CNTNAP2: variants seen among roughly 807,000 people sequenced by gnomAD.
CNTNAP2 encodes the protein contactin-associated protein-like 2.
CNTNAP2 carries 98 observed loss-of-function variants against 155.2 expected under a neutral mutation model. That is an observed-to-expected ratio of 0.63 (90% CI 0.54 to 0.75). The LOEUF is 0.75. Ranked by LOEUF, CNTNAP2 falls within the 30% of genes least tolerant of loss-of-function variation. The probability of loss-of-function intolerance (pLI) is 0.00; values close to 1 mark genes in which losing one functional copy is unlikely to be tolerated. For missense variants in CNTNAP2, 1,727 were observed against 1,688.1 expected (o/e 1.02, Z -0.40); for synonymous variants, 651 against 631.2 (o/e 1.03, Z -0.47).
intron 1 of CNTNAP2, among the ~76,000 whole-genome samples, chr7:146,565,758 A>T (rs1466422115): frequency 1.3e-5 from 2 of 152,256 alleles, no homozygotes; most frequent in Non-Finnish European, 2.9e-5. Flanking sequence ...TATTTAGAAT[A>T]AACGATGTGA....
intron 1 of CNTNAP2, among the ~76,000 whole-genome samples, chr7:146,483,052 G>T (rs1416605371): frequency 6.6e-6 from 1 of 150,994 alleles, no homozygotes; most frequent in Non-Finnish European, 1.5e-5. Flanking sequence ...CGAGGCAGGC[G>T]GATCATGAGG....
intron 14 of CNTNAP2, among the ~76,000 whole-genome samples, chr7:147,931,806 C>T (rs1261242335): frequency 1.3e-5 from 2 of 152,170 alleles, no homozygotes; most frequent in Non-Finnish European, 2.9e-5. Flanking sequence ...AATGTCCATA[C>T]TACCCAAAGG....
At chr7:147,562,689 T>C (rs994664686) in intron 12 of CNTNAP2, among the ~76,000 whole-genome samples, 2 of 152,220 alleles carry the variant, frequency 1.3e-5, no homozygotes, top group African/African-American at 4.8e-5. Flanking sequence ...TTCTAAGTCC[T>C]GAAATCCCAT....
intron 8 of CNTNAP2, among the ~76,000 whole-genome samples, chr7:147,251,437 G>T (rs1007758669): frequency 2.7e-5 from 4 of 150,242 alleles, no homozygotes; most frequent in African/African-American, 7.3e-5. Flanking sequence ...AAAACAGATA[G>T]GTAGGTAGGT....
At chr7:147,758,412 A>T (rs879688571) in intron 13 of CNTNAP2, among the ~76,000 whole-genome samples, 46 of 152,136 alleles carry the variant, frequency 3.0e-4, no homozygotes, top group African/African-American at 1.1e-3. Flanking sequence ...CTCTCCCCTA[A>T]GCTCTGGTTT....
chr7:147,584,523 C>G (rs1406698394), intron 12 of CNTNAP2, among the ~76,000 whole-genome samples: 2 of 152,114 alleles, frequency 1.3e-5, no homozygotes, highest in African/African-American at 4.8e-5. Context: ...AAAATTAAAG[C>G]TGTTGATTCA....
chr7:146,699,114 C>A (rs528034118), intron 1 of CNTNAP2, among the ~76,000 whole-genome samples: 1 of 152,100 alleles, frequency 6.6e-6, no homozygotes, highest in Admixed American at 6.6e-5. Context: ...TCTGCTGTAT[C>A]TAAGTAGGTT....
At chr7:147,317,453 T>G (rs1175972908) in intron 9 of CNTNAP2, among the ~76,000 whole-genome samples, 2 of 152,222 alleles carry the variant, frequency 1.3e-5, no homozygotes, top group Non-Finnish European at 2.9e-5. Flanking sequence ...GCCTTCTGCT[T>G]CTGTGCACCA....
chr7:146,380,171 T>G (rs577108754), intron 1 of CNTNAP2, among the ~76,000 whole-genome samples: 1 of 152,316 alleles, frequency 6.6e-6, no homozygotes, highest in African/African-American at 2.4e-5. Context: ...CTCATAATGA[T>G]TTTGCATTTT....
chr7:147,637,245 G>A (rs1265583478), intron 12 of CNTNAP2, among the ~76,000 whole-genome samples: 1 of 152,082 alleles, frequency 6.6e-6, no homozygotes, highest in Admixed American at 6.6e-5. Context: ...AGGAGGCAAG[G>A]GTGGAAAGCA....
intron 15 of CNTNAP2, among the ~76,000 whole-genome samples, chr7:148,074,045 A>G (rs1194250384): frequency 6.6e-6 from 1 of 152,166 alleles, no homozygotes; most frequent in Non-Finnish European, 1.5e-5. Context: ...TCAGACATTC[A>G]CTGGGGCTCT....
chr7:146,249,572 C>T (rs980118344), intron 1 of CNTNAP2, among the ~76,000 whole-genome samples: 1 of 152,184 alleles, frequency 6.6e-6, no homozygotes, highest in African/African-American at 2.4e-5. Flanking sequence ...CCACTTTCAG[C>T]ACAAATATCA....
intron 11 of CNTNAP2, among the ~76,000 whole-genome samples, chr7:147,502,198 T>G (rs764011221): frequency 6.6e-6 from 1 of 152,122 alleles, no homozygotes; most frequent in African/African-American, 2.4e-5. Context: ...TCCAATCAGA[T>G]GTTTTATAGA....
rs778395783 is a variant in CNTNAP2 at position 148,409,458 on chromosome 7, G to T, written c.3783G>T (p.Ser1261=). Residue 1261 remains serine, a synonymous_variant, in exon 23 of 24, where the codon TCG becomes TCT. Transcript: ENST00000361727. ...TAAGAAATGGAGTCAACAGAAACTC[G>T]GCTATCATTGGAGGTAGGTGATGTC... The part of the protein sequence containing the change: ...QAIRNGVNRN[S]AIIGGVIAVV... The T allele has an allele frequency of 6.2e-6, 10 of 1,613,648 alleles. No homozygotes were observed. Among genetic ancestry groups the T allele is most frequent in the Non-Finnish European group, 8.5e-6 (10 of 1,179,774 alleles).
intron 13 of CNTNAP2, among the ~76,000 whole-genome samples, chr7:147,776,263 G>C (rs931328355): frequency 7.0e-6 from 1 of 143,180 alleles, no homozygotes; most frequent in Non-Finnish European, 1.5e-5. Context: ...TGCAATGGCT[G>C]GGTTTTTTTT....
At chr7:146,385,398 A>G (rs1795446228) in intron 1 of CNTNAP2, among the ~76,000 whole-genome samples, 2 of 152,092 alleles carry the variant, frequency 1.3e-5, no homozygotes, top group African/African-American at 4.8e-5. Flanking sequence ...CTGAAAAAAC[A>G]AAACAAAACA....
chr7:146,353,771 G>C (rs1185864177), intron 1 of CNTNAP2, among the ~76,000 whole-genome samples: 2 of 151,900 alleles, frequency 1.3e-5, no homozygotes, highest in African/African-American at 4.8e-5. Context: ...TAGATTACTA[G>C]GGCCTATTAA....
chr7:146,465,734 C>G (rs1440800809), intron 1 of CNTNAP2, among the ~76,000 whole-genome samples: 2 of 152,042 alleles, frequency 1.3e-5, no homozygotes, highest in Non-Finnish European at 2.9e-5. Flanking sequence ...GAGATTGATA[C>G]GGCAGGATAG....
At chr7:146,484,290 C>G (rs192084502) in intron 1 of CNTNAP2, among the ~76,000 whole-genome samples, 1 of 152,242 alleles carries the variant, frequency 6.6e-6, no homozygotes, top group East Asian at 1.9e-4. Flanking sequence ...AGAATATTTT[C>G]CCACTGTTAA....
Sources: gnomAD v4.1 joint callset for allele counts (sites outside exome capture counted in the v4.1 genomes callset) on GRCh38, gnomAD v4.1.1 for gene constraint, MANE v1.5 for transcripts, NCBI Gene and HGNC (gene_info 2026-07-23, HGNC 2026-07-21) for gene names.